Variants in CYP4F8 observed in about 807,000 individuals in gnomAD.
The protein encoded by CYP4F8 is cytochrome P450 family 4 subfamily F member 8.
A neutral mutation model predicts 55.0 loss-of-function variants in CYP4F8; 56 were observed. The ratio of observed to expected loss-of-function variants is 1.02; its 90% CI spans 0.82 to 1.27. The LOEUF (loss-of-function observed/expected upper bound fraction) is 1.27. Ranked by LOEUF, CYP4F8 falls within the 50% of genes most tolerant of loss-of-function variation. CYP4F8 has a pLI of 0.00. For synonymous variants in CYP4F8, 288 were observed against 267.3 expected (o/e 1.08, Z -0.76); for missense variants, 680 against 682.4 (o/e 1.00, Z 0.04).
chr19:15,628,958 A>T, intron 12 of CYP4F8, 115 bp downstream of exon 12: 1 of 1,331,884 alleles, frequency 7.5e-7, no homozygotes, highest in Non-Finnish European at 1.0e-6. Context: ...TTTAAAGAAG[A>T]TCCTAGGAAA....
intron 2 of CYP4F8, among the ~76,000 whole-genome samples, chr19:15,617,523 TATCTATCTATCA>T (rs1044775515): frequency 6.8e-6 from 1 of 147,166 alleles, no homozygotes; most frequent in African/African-American, 2.6e-5. Flanking sequence ...TCTATCTATC[TATCTATCTATCA>T]GTCCGTCTGT....
At chr19:15,623,888 C>G (rs1972228287) in intron 8 of CYP4F8, 77 bp from the exon 9 acceptor site, 2 of 1,597,354 alleles carry the variant, frequency 1.3e-6, no homozygotes, top group South Asian at 2.2e-5. Flanking sequence ...TTCCTGAGAG[C>G]CTCAATGTAT....
chr19:15,629,437 T>C lies in CYP4F8; in HGVS notation c.*79T>C, dbSNP rs1972307948. ...ACCTTTTCAGATTTCCGGTAATAAATCTGTGTTGGCCCCTGTGCCTCAGTC... is the reference window on the plus strand; with the variant it reads ...ACCTTTTCAGATTTCCGGTAATAAACCTGTGTTGGCCCCTGTGCCTCAGTC... On this transcript the variant is annotated 3_prime_UTR_variant, in exon 13 of 13. Coordinates refer to ENST00000612078, the MANE Select transcript of CYP4F8 (RefSeq NM_007253.4). The C allele has an allele frequency of 1.4e-6, 2 of 1,472,882 alleles. No individual in the cohort carries two copies. The highest frequency in any genetic ancestry group is 5.0e-5 in the Admixed American group (2 of 40,060). The allele number at this position is 1,472,882 out of a possible 1,614,324, so 91.2% of individuals were successfully genotyped here. A position where few individuals can be genotyped will look rare whatever the true frequency, so the allele number is the denominator to read the frequency against.
At chr19:15,619,436 A>G (rs1599858137) in intron 3 of CYP4F8, 54 bp from the exon 4 acceptor site, 1 of 1,608,208 alleles carries the variant, frequency 6.2e-7, no homozygotes, top group East Asian at 2.2e-5. Flanking sequence ...CTCCATACCC[A>G]AAGTCCCTCC....
chr19:15,629,444 T>G lies in CYP4F8; in HGVS notation c.*86T>G. On this transcript the variant is annotated 3_prime_UTR_variant, in exon 13 of 13. Transcript: ENST00000612078. ...CAGATTTCCGGTAATAAATCTGTGT[T>G]GGCCCCTGTGCCTCAGTCCCGCGGA... The G allele has an allele frequency of 6.9e-7, 1 of 1,458,574 alleles. No individual in the cohort carries two copies. The highest frequency in any genetic ancestry group is 1.4e-5 in the South Asian group (1 of 70,442). 90.4% of individuals were successfully genotyped at this position (1,458,574 alleles called of 1,614,324 possible).
chr19:15,618,525 G>A (rs1972153280), intron 3 of CYP4F8: 1 of 362,568 alleles, frequency 2.8e-6, no homozygotes, highest in South Asian at 2.2e-5. Context: ...TTTCTACTGG[G>A]GCAGGCTGGA....
Position 15,618,158 on chromosome 19 carries a change from G to A in CYP4F8, c.343+14G>A, listed in dbSNP as rs761761328. The A allele has an allele frequency of 1.2e-6, 2 of 1,614,098 alleles. No individual in the cohort carries two copies. Among genetic ancestry groups the A allele is most frequent in the South Asian group, 2.2e-5 (2 of 91,082 alleles). Reference sequence around the variant, plus strand: ...TCAATACCTCAGGTACTCCTGCAGAGCTTGTGGTGGTGGGCACAGGAGAAC... The same window carrying A: ...TCAATACCTCAGGTACTCCTGCAGAACTTGTGGTGGTGGGCACAGGAGAAC... On this transcript the variant is annotated intron_variant, in intron 3 of 12. Transcript: ENST00000612078.
intron 9 of CYP4F8, among the ~76,000 whole-genome samples, chr19:15,624,713 G>T (rs1405712546): frequency 6.6e-6 from 1 of 152,052 alleles, no homozygotes; most frequent in Non-Finnish European, 1.5e-5. Context: ...CCCCAGAAGT[G>T]CCTATTATGA....
intron 9 of CYP4F8, among the ~76,000 whole-genome samples, chr19:15,624,545 G>A (rs865927320): frequency 6.6e-6 from 1 of 152,062 alleles, no homozygotes. Flanking sequence ...GTTGAATATC[G>A]GTGTACGATG....
chr19:15,619,414 C>T (rs1219249807), intron 3 of CYP4F8, 76 bp from the exon 4 acceptor site: 36 of 1,567,308 alleles, frequency 2.3e-5, no homozygotes, highest in Non-Finnish European at 3.0e-5. Context: ...AAACCTCTGG[C>T]TGGGAGCCAC....
chr19:15,623,816 A>G lies in CYP4F8; in HGVS notation c.985+51A>G, dbSNP rs376970927. 322 of 1,603,840 alleles carry G rather than the reference A, an allele frequency of 2.0e-4. No individual in the cohort carries two copies. In the Admixed American group the frequency reaches 2.2e-3, roughly 11 times the overall value. ...GTGGGGACAGGGGTCTCTCCACTCC[A>G]GGGAAGTGGAGGGCCGGCCCTGAAT... On this transcript the variant is annotated intron_variant, in intron 8 of 12. Transcript: ENST00000612078.
chr19:15,621,149 C>T (rs898931796), intron 5 of CYP4F8, among the ~76,000 whole-genome samples: 2 of 152,078 alleles, frequency 1.3e-5, no homozygotes, highest in African/African-American at 4.8e-5. Context: ...GCTTTTAGAG[C>T]AAGCAGAATA....
At chr19:15,624,183 T>A (rs985120959) in intron 9 of CYP4F8, 89 bp downstream of exon 9, 6 of 1,546,778 alleles carry the variant, frequency 3.9e-6, no homozygotes, top group Non-Finnish European at 5.2e-6. Flanking sequence ...AAGGGGAGGA[T>A]CTTTTTGATG....
chr19:15,623,527 T>C, intron 7 of CYP4F8, 152 bp downstream of exon 7: 1 of 1,034,886 alleles, frequency 9.7e-7, no homozygotes, highest in Non-Finnish European at 1.3e-6. Flanking sequence ...TTAGAGGTGA[T>C]TGCATAGAAA....
At chr19:15,622,831 G>T (rs1280092075) in intron 6 of CYP4F8, 5 of 507,458 alleles carry the variant, frequency 9.9e-6, no homozygotes, top group Non-Finnish European at 1.8e-5. Context: ...TGAGTTTGGT[G>T]GAGAAAATGG....
chr19:15,615,585 G>A (rs750944967), intron 1 of CYP4F8, 31 bp from the exon 2 acceptor site: 2 of 1,609,084 alleles, frequency 1.2e-6, no homozygotes, highest in Non-Finnish European at 1.7e-6. Flanking sequence ...TAGGCCTCAG[G>A]ACCTCACCCT....
Position 15,629,206 on chromosome 19 carries a change from C to T in CYP4F8, c.1411C>T (p.Gln471Ter). ...CTTGGCCCCCAGGAACTGCATCGGGCAGAAGTTCGCGATGGCAGAGATGAA... is the reference window on the plus strand; with the variant it reads ...CTTGGCCCCCAGGAACTGCATCGGGTAGAAGTTCGCGATGGCAGAGATGAA... Reference protein sequence around the residue: ...FSAGPRNCIGQKFAMAEMKVV... With the variant: ...FSAGPRNCIG The change falls in exon 13 of 13, where the codon CAG (glutamine) becomes TAG (stop). Residue 471 changes from glutamine to a stop codon, truncating the protein, a stop_gained. Coordinates refer to ENST00000612078, the MANE Select transcript of CYP4F8 (RefSeq NM_007253.4). LOFTEE classifies it low-confidence loss of function (END_TRUNC). The T allele has an allele frequency of 6.2e-7, 1 of 1,609,464 alleles. No homozygotes were observed. The highest frequency in any genetic ancestry group is 8.5e-7 in the Non-Finnish European group (1 of 1,177,956).
At chr19:15,617,245 AACAG>A (rs1015374699) in intron 2 of CYP4F8, among the ~76,000 whole-genome samples, 16 of 152,206 alleles carry the variant, frequency 1.1e-4, no homozygotes, top group African/African-American at 1.9e-4. Context: ...CTTCTCCATG[AACAG>A]ACAGTTTGTC....
Position 15,628,831 on chromosome 19 carries a change from C to G in CYP4F8, c.1385C>G (p.Ser462Trp). Reference sequence around the variant, plus strand: ...TCACCTATGGCTTTTATTCCTTTCTCGGCGGGGCCCAGGTGAGGCCAGGGG... The same window carrying G: ...TCACCTATGGCTTTTATTCCTTTCTGGGCGGGGCCCAGGTGAGGCCAGGGG... The part of the protein sequence containing the change: ...KRSPMAFIPF[S>W]AGPRNCIGQK... Residue 462 changes from serine to tryptophan, a missense_variant, in exon 12 of 13, where the codon TCG becomes TGG. Physicochemically the swap from Ser to Trp is radical, Grantham distance 177. Coordinates refer to ENST00000612078, the MANE Select transcript of CYP4F8 (RefSeq NM_007253.4). 6.2e-7 allele frequency: 1 copy of G among 1,602,680 alleles called. No homozygotes were observed. The highest frequency in any genetic ancestry group is 8.5e-7 in the Non-Finnish European group (1 of 1,175,080).
Sources: gnomAD v4.1 joint callset for allele counts (sites outside exome capture counted in the v4.1 genomes callset) on GRCh38, gnomAD v4.1.1 for gene constraint, MANE v1.5 for transcripts, NCBI Gene and HGNC (gene_info 2026-07-23, HGNC 2026-07-21) for gene names.